MLLT10: variants seen among roughly 807,000 people sequenced by gnomAD.
MLLT10 encodes protein AF-10.
In MLLT10, 30 loss-of-function variants were observed where a neutral mutation model predicts 129.1. The observed-to-expected ratio is 0.23, with a 90% CI of 0.17 to 0.32. The LOEUF (loss-of-function observed/expected upper bound fraction) is 0.32, where lower values mean the gene tolerates loss of function less well. MLLT10 is among the 10% of genes least tolerant of loss of function. The pLI, the probability that MLLT10 is intolerant of heterozygous loss-of-function variation, is 1.00. For missense variants in MLLT10, 1,119 were observed against 1,268.3 expected (o/e 0.88, Z 1.79); for synonymous variants, 490 against 446.4 (o/e 1.10, Z -1.23).
intron 5 of MLLT10, among the ~76,000 whole-genome samples, chr10:21,600,382 C>G (rs1303840042): frequency 2.0e-5 from 3 of 151,956 alleles, no homozygotes; most frequent in African/African-American, 7.2e-5. Context: ...CACACACACA[C>G]ACACACACAC....
At chr10:21,738,349 A>G (rs1365764357) in intron 21 of MLLT10, 6 of 1,235,710 alleles carry the variant, frequency 4.9e-6, no homozygotes, top group African/African-American at 4.7e-5. Flanking sequence ...TATGAGCACT[A>G]AAACTCCATT....
intron 3 of MLLT10, among the ~76,000 whole-genome samples, chr10:21,570,216 G>A (rs551404594): frequency 2.7e-5 from 4 of 146,706 alleles, no homozygotes; most frequent in Non-Finnish European, 6.0e-5. Flanking sequence ...GCCAATTTGT[G>A]TGTGTGTGTG....
At chr10:21,681,291 G>A (rs1270239467) in intron 11 of MLLT10, 41 bp from the exon 12 acceptor site, 2 of 1,608,632 alleles carry the variant, frequency 1.2e-6, no homozygotes, top group African/African-American at 2.7e-5. Context: ...TGAGTCACTG[G>A]CAATTTCTTC....
rs191271905 is a variant in MLLT10, at chr10:21,578,186, C to T, written c.241-8108C>T. Among the ~76,000 whole-genome samples, 86 of 152,338 alleles carry T rather than the reference C, an allele frequency of 5.6e-4. 1 individual carries two copies. Among genetic ancestry groups the T allele is most frequent in the African/African-American group, 2.0e-3 (83 of 41,582 alleles). On this transcript the variant is annotated intron_variant, in intron 3 of 22. Coordinates refer to ENST00000307729, the MANE Select transcript of MLLT10 (RefSeq NM_001195626.3). ...TTGAGATTACAGGCGTGAGCCACTGCACCTGGCCTGGTGTTGATTTTTAAT... is the reference window on the plus strand; with the variant it reads ...TTGAGATTACAGGCGTGAGCCACTGTACCTGGCCTGGTGTTGATTTTTAAT...
intron 8 of MLLT10, among the ~76,000 whole-genome samples, chr10:21,638,751 G>T (rs1159072262): frequency 6.6e-5 from 10 of 152,124 alleles, no homozygotes; most frequent in Non-Finnish European, 1.2e-4. Context: ...GATAGGGAGT[G>T]CACATCCCCA....
chr10:21,612,694 C>G (rs1193143790), intron 6 of MLLT10, among the ~76,000 whole-genome samples: 1 of 152,118 alleles, frequency 6.6e-6, no homozygotes, highest in Non-Finnish European at 1.5e-5. Flanking sequence ...TCAGTTTCGT[C>G]TTGTTTAAAA....
intron 3 of MLLT10, among the ~76,000 whole-genome samples, chr10:21,556,160 G>A (rs2037925024): frequency 6.6e-6 from 1 of 152,034 alleles, no homozygotes; most frequent in African/African-American, 2.4e-5. Flanking sequence ...ATTTTTAGTA[G>A]AGACGGGGTT....
At chr10:21,588,717 T>C (rs939767552) in intron 4 of MLLT10, among the ~76,000 whole-genome samples, 16 of 152,132 alleles carry the variant, frequency 1.1e-4, no homozygotes, top group African/African-American at 3.9e-4. Flanking sequence ...CAAGCAGTAG[T>C]TTTGCATTTC....
intron 4 of MLLT10, among the ~76,000 whole-genome samples, chr10:21,586,658 G>C (rs2131095267): frequency 6.6e-6 from 1 of 152,052 alleles, no homozygotes; most frequent in East Asian, 1.9e-4. Flanking sequence ...GAGGCCAAGG[G>C]AGGTGGATCA....
At chr10:21,554,794 A>G (rs1371732339) in intron 3 of MLLT10, among the ~76,000 whole-genome samples, 2 of 147,124 alleles carry the variant, frequency 1.4e-5, no homozygotes, top group Non-Finnish European at 3.0e-5. Context: ...GGTTATACTA[A>G]TTTCTTCCTT....
intron 9 of MLLT10, among the ~76,000 whole-genome samples, chr10:21,668,368 T>G (rs1281498731): frequency 6.6e-6 from 1 of 152,108 alleles, no homozygotes; most frequent in Non-Finnish European, 1.5e-5. Flanking sequence ...AATTCCCTAG[T>G]GCCATATTGT....
At chr10:21,723,211 T>A (rs966006364) in intron 14 of MLLT10, among the ~76,000 whole-genome samples, 1 of 152,190 alleles carries the variant, frequency 6.6e-6, no homozygotes, top group African/African-American at 2.4e-5. Flanking sequence ...TGTGCCATAC[T>A]CCTTTCTATT....
chr10:21,656,731 T>G (rs1200532235), intron 9 of MLLT10, among the ~76,000 whole-genome samples: 1 of 152,240 alleles, frequency 6.6e-6, no homozygotes, highest in African/African-American at 2.4e-5. Flanking sequence ...AATTTACTAG[T>G]GTAATATTTT....
intron 8 of MLLT10, among the ~76,000 whole-genome samples, chr10:21,642,225 C>T (rs1046968842): frequency 2.0e-5 from 3 of 151,994 alleles, no homozygotes; most frequent in South Asian, 2.1e-4. Flanking sequence ...TGGTGGCGGA[C>T]GCCTGTAATC....
intron 5 of MLLT10, among the ~76,000 whole-genome samples, chr10:21,601,110 C>T (rs1437663079): frequency 2.0e-5 from 3 of 152,004 alleles, no homozygotes; most frequent in Admixed American, 6.6e-5. Context: ...TGTCTGGCTA[C>T]TTTTGTTTTA....
rs559626815 is a variant in MLLT10, at chr10:21,576,858, C to T, written c.241-9436C>T. ...GTTGATCAGGCTGGTTTTGAACTCG[C>T]GACCTCAGGTGAATCGCCCGCCTCG... On this transcript the variant is annotated intron_variant, in intron 3 of 22. Transcript: ENST00000307729. Among the ~76,000 whole-genome samples, 10 of 151,242 alleles carry T rather than the reference C, an allele frequency of 6.6e-5. No individual in the cohort carries two copies. In the Middle Eastern group the frequency reaches 0.014, roughly 210 times the overall value.
chr10:21,612,256 A>G (rs962004456), intron 5 of MLLT10, 92 bp from the exon 6 acceptor site: 9 of 690,482 alleles, frequency 1.3e-5, no homozygotes, highest in Admixed American at 1.1e-4. Flanking sequence ...GTTACTTAGT[A>G]TACCTGATCT....
Position 21,742,182 on chromosome 10 carries a change from A to G in MLLT10, c.*199A>G, listed in dbSNP as rs1481221163. On this transcript the variant is annotated 3_prime_UTR_variant, in exon 23 of 23. Coordinates refer to ENST00000307729, the MANE Select transcript of MLLT10 (RefSeq NM_001195626.3). ...TTTGTTGCACTGAAATGGAATTCCC[A>G]TGCCCCTACCCCTTACCCCAGTTTT... 5 of 524,320 alleles carry G rather than the reference A, an allele frequency of 9.5e-6. No individual in the cohort carries two copies. Among genetic ancestry groups the G allele is most frequent in the East Asian group, 9.4e-5 (3 of 31,972 alleles). 32.5% of individuals were successfully genotyped at this position (524,320 alleles called of 1,614,324 possible).
intron 3 of MLLT10, among the ~76,000 whole-genome samples, chr10:21,562,929 C>G (rs1223194335): frequency 6.8e-6 from 1 of 146,896 alleles, no homozygotes; most frequent in Non-Finnish European, 1.5e-5. Flanking sequence ...AAGGAATTCT[C>G]CTGTCTCAGC....
Sources: gnomAD v4.1 joint callset for allele counts (sites outside exome capture counted in the v4.1 genomes callset) on GRCh38, gnomAD v4.1.1 for gene constraint, MANE v1.5 for transcripts, NCBI Gene and HGNC (gene_info 2026-07-23, HGNC 2026-07-21) for gene names.